Variants in ADAM9 observed in about 807,000 individuals in gnomAD.
ADAM9 encodes the protein ADAM metallopeptidase domain 9, also known as disintegrin and metalloproteinase domain-containing protein 9.
In ADAM9, 54 loss-of-function variants were observed where a neutral mutation model predicts 108.1. The ratio of observed to expected loss-of-function variants is 0.50; its 90% confidence interval spans 0.40 to 0.63. The LOEUF is 0.63. Among genes scored for constraint, ADAM9 ranks in the 20% least tolerant of loss-of-function variants. The pLI is 0.00. For synonymous variants in ADAM9, 316 were observed against 336.0 expected, an observed-to-expected ratio of 0.94 and a Z score of 0.65; for missense variants, 830 against 997.7, an observed-to-expected ratio of 0.83 and a Z score of 2.26.
chr8:39,016,926 C>T, intron 5 of ADAM9: 2 of 403,622 alleles, frequency 5.0e-6, no homozygotes, highest in South Asian at 2.5e-5. Flanking sequence ...GACTCTTGTC[C>T]TCTGGTCCGG....
intron 9 of ADAM9, among the ~76,000 whole-genome samples, chr8:39,024,360 T>A (rs1836853709): frequency 6.6e-6 from 1 of 152,210 alleles, no homozygotes; most frequent in African/African-American, 2.4e-5. Flanking sequence ...CACTATGCCT[T>A]GCCCAACCAC....
At chr8:39,062,230 A>T (rs1338454772) in intron 14 of ADAM9, among the ~76,000 whole-genome samples, 1 of 152,144 alleles carries the variant, frequency 6.6e-6, no homozygotes, top group African/African-American at 2.4e-5. Flanking sequence ...GTCCCTTGGA[A>T]ATGTCTGGGA....
chr8:39,045,445 TAC>T (rs368884578), intron 12 of ADAM9, among the ~76,000 whole-genome samples: 2,701 of 38,166 alleles, frequency 0.071, 21 homozygotes, highest in Non-Finnish European at 0.12. Context: ...TGCGCGTGTG[TAC>T]ACACACCTAT....
At chr8:39,045,385 G>T (rs372623197) in intron 12 of ADAM9, among the ~76,000 whole-genome samples, 1,998 of 15,416 alleles carry the variant, frequency 0.13, 272 homozygotes, top group Non-Finnish European at 0.13. Flanking sequence ...TACACCTATA[G>T]GTGTGTGTAC....
chr8:39,039,278 A>T (rs903534958), intron 11 of ADAM9, among the ~76,000 whole-genome samples: 1 of 152,200 alleles, frequency 6.6e-6, no homozygotes, highest in Non-Finnish European at 1.5e-5. Context: ...ATACAAATAT[A>T]TGTAAGATAT....
chr8:39,012,036 C>CTA (rs1836371940), intron 3 of ADAM9, among the ~76,000 whole-genome samples: 1 of 152,194 alleles, frequency 6.6e-6, no homozygotes, highest in Non-Finnish European at 1.5e-5. Context: ...ACTGGAAAGA[C>CTA]TAAGGTTCCA....
intron 1 of ADAM9, among the ~76,000 whole-genome samples, chr8:39,006,058 T>G (rs887806037): frequency 1.3e-5 from 2 of 152,222 alleles, no homozygotes; most frequent in Admixed American, 6.5e-5. Flanking sequence ...AGTGACAGTC[T>G]TTATTTACAA....
In ADAM9 at chr8:39,045,020, G is replaced by A. The variant is rs200368859; in HGVS notation, c.1302+2903G>A. On this transcript the variant is annotated intron_variant, in intron 12 of 21. Coordinates refer to ENST00000487273, the MANE Select transcript of ADAM9 (RefSeq NM_003816.3). ...TGCACACATACCTATGTATGTGTAT[G>A]TGTGTGTGCATACATACATATGTAT... Among the ~76,000 whole-genome samples, 617 of 97,898 alleles carry A rather than the reference G, an allele frequency of 6.3e-3. 30 individuals are homozygous for A. The highest frequency in any genetic ancestry group is 0.018 in the East Asian group (55 of 3,004). 64.2% of individuals were successfully genotyped at this position (97,898 alleles called of 152,430 possible). A position where few individuals can be genotyped will look rare whatever the true frequency, so the allele number is the denominator to read the frequency against.
chr8:39,004,340 A>G (rs1836094037), intron 1 of ADAM9, among the ~76,000 whole-genome samples: 4 of 151,524 alleles, frequency 2.6e-5, no homozygotes. Context: ...TAGCCTCCTG[A>G]GTAGCTGGGA....
intron 18 of ADAM9, among the ~76,000 whole-genome samples, chr8:39,085,015 TATTA>T (rs1352492023): frequency 6.6e-6 from 1 of 152,170 alleles, no homozygotes; most frequent in Non-Finnish European, 1.5e-5. Context: ...TCCAGATTCC[TATTA>T]ATTAGTCAGC....
At chr8:39,000,936 T>C (rs1466977953) in intron 1 of ADAM9, among the ~76,000 whole-genome samples, 3 of 152,188 alleles carry the variant, frequency 2.0e-5, no homozygotes, top group Non-Finnish European at 2.9e-5. Context: ...CATGTTATAA[T>C]GTAGGGCAGA....
chr8:39,023,050 TAGGCAGGGG>T, intron 8 of ADAM9, 97 bp from the exon 9 acceptor site: 1 of 1,017,082 alleles, frequency 9.8e-7, no homozygotes, highest in Admixed American at 2.5e-5. Context: ...TAGTTTTTTT[TAGGCAGGGG>T]AGTTTTAATT....
In ADAM9 at chr8:39,091,476, G is replaced by A; in HGVS notation, c.2298+130G>A. ...TCTTAAGAATTCAAGAGTATTGTAG[G>A]TGGTCCCTGAGTTTTTTGTTTTTGT... is the stretch of plus-strand genomic sequence containing the variant. On this transcript the variant is annotated intron_variant, in intron 20 of 21. Coordinates refer to ENST00000487273, the MANE Select transcript of ADAM9 (RefSeq NM_003816.3). 3 of 879,018 alleles carry A rather than the reference G, an allele frequency of 3.4e-6. No individual in the cohort carries two copies. The South Asian group carries it at 4.6e-5, about 14-fold the overall frequency. 54.5% of individuals were successfully genotyped at this position (879,018 alleles called of 1,614,324 possible).
Position 39,023,332 on chromosome 8 carries a change from A to T in ADAM9, c.914+7A>T. ...ACAGTGCACAGCTAGTTCTGTAAGT[A>T]TTTTTTTTTTAAGTACTATTAATGA... On this transcript the variant is annotated splice_region_variant and intron_variant, in intron 9 of 21. Transcript: ENST00000487273. 1 of 1,469,630 alleles carries T rather than the reference A, an allele frequency of 6.8e-7. No individual in the cohort carries two copies. Among genetic ancestry groups the T allele is most frequent in the Non-Finnish European group, 9.3e-7 (1 of 1,078,954 alleles). The allele number at this position is 1,469,630 out of a possible 1,614,324, so 91.0% of individuals were successfully genotyped here.
intron 20 of ADAM9, 51 bp from the exon 21 acceptor site, chr8:39,101,812 C>G: frequency 1.4e-6 from 2 of 1,381,578 alleles, no homozygotes; most frequent in Non-Finnish European, 2.0e-6. Flanking sequence ...ATTTAGAAAT[C>G]ATATTTATGA....
At chr8:39,016,514 T>G (rs932109274) in intron 5 of ADAM9, among the ~76,000 whole-genome samples, 4 of 152,236 alleles carry the variant, frequency 2.6e-5, no homozygotes, top group African/African-American at 7.2e-5. Flanking sequence ...TATTTAAGAC[T>G]TGTATTTAAG....
At position 39,021,658 on chromosome 8, in the gene ADAM9, A is replaced by G. The variant is rs1471565940; in HGVS notation, c.688A>G (p.Arg230Gly). Residue 230 changes from arginine (R) to glycine (G), a missense_variant, in exon 8 of 22, where the codon AGA becomes GGA. By Grantham distance (125) the Arg-to-Gly change is moderately radical. Coordinates refer to ENST00000487273, the MANE Select transcript of ADAM9 (RefSeq NM_003816.3). Reference protein sequence around the residue: ...VDKERYDMMGRNQTAVREEMI... With the variant: ...VDKERYDMMGGNQTAVREEMI... ...GCTTTTCCAGTATGACATGATGGGAAGAAATCAGACTGCTGTGAGAGAAGA... is the reference window on the plus strand; with the variant it reads ...GCTTTTCCAGTATGACATGATGGGAGGAAATCAGACTGCTGTGAGAGAAGA... The G allele has an allele frequency of 6.2e-7, 1 of 1,614,026 alleles. No individual in the cohort carries two copies. The highest frequency in any genetic ancestry group is 1.7e-5 in the Admixed American group (1 of 60,022).
intron 1 of ADAM9, among the ~76,000 whole-genome samples, chr8:39,003,903 T>C (rs1836081867): frequency 6.6e-6 from 1 of 152,194 alleles, no homozygotes; most frequent in Non-Finnish European, 1.5e-5. Context: ...AATCTTCCTA[T>C]ATTTAGCTTT....
chr8:39,065,296 A>G (rs1231469040), intron 14 of ADAM9, among the ~76,000 whole-genome samples: 1 of 150,186 alleles, frequency 6.7e-6, no homozygotes, highest in African/African-American at 2.5e-5. Context: ...TTCAGGCACT[A>G]TGATTTTAGT....
Sources: allele counts gnomAD v4.1 joint callset (sites outside exome capture counted in the v4.1 genomes callset), GRCh38; gene constraint gnomAD v4.1.1; transcripts MANE v1.5; gene names NCBI Gene and HGNC (gene_info 2026-07-23, HGNC 2026-07-21).